The following SCLT1 variants were observed in gnomAD, a reference collection of about 807,000 sequenced individuals.
SCLT1 encodes sodium channel-associated protein 1.
Under a neutral mutation model 112.8 loss-of-function variants are expected in SCLT1, and 78 were observed. That is an observed-to-expected ratio of 0.69 (90% CI 0.58 to 0.83). The LOEUF (loss-of-function observed/expected upper bound fraction) is 0.83. Ranked by LOEUF, SCLT1 falls within the 40% of genes least tolerant of loss-of-function variation. The pLI is 0.00. For synonymous variants in SCLT1, 257 were observed against 254.7 expected (o/e 1.01, Z -0.09); for missense variants, 747 against 770.4 (o/e 0.97, Z 0.36).
chr4:129,023,114 C>T (rs144018518), intron 5 of SCLT1, among the ~76,000 whole-genome samples: 54 of 152,264 alleles, frequency 3.5e-4, no homozygotes, highest in African/African-American at 1.3e-3. Context: ...TTTGTCACCA[C>T]CACATCTGTC....
intron 5 of SCLT1, among the ~76,000 whole-genome samples, chr4:129,024,595 G>T (rs1354767894): frequency 1.3e-5 from 2 of 152,086 alleles, no homozygotes; most frequent in Non-Finnish European, 2.9e-5. Flanking sequence ...CACAAAGATG[G>T]GGAAAAAACA....
At chr4:129,046,631 T>C (rs969287810) in intron 2 of SCLT1, among the ~76,000 whole-genome samples, 12 of 152,260 alleles carry the variant, frequency 7.9e-5, no homozygotes, top group African/African-American at 2.9e-4. Context: ...TAAACAGTGC[T>C]GCTACAAACA....
At chr4:128,914,716 A>G (rs1735350266) in intron 18 of SCLT1, among the ~76,000 whole-genome samples, 1 of 152,170 alleles carries the variant, frequency 6.6e-6, no homozygotes, top group African/African-American at 2.4e-5. Context: ...CAATCTATGG[A>G]CCACATTTAG....
chr4:128,898,974 G>A (rs1436460937), intron 18 of SCLT1, among the ~76,000 whole-genome samples: 1 of 152,162 alleles, frequency 6.6e-6, no homozygotes, highest in Non-Finnish European at 1.5e-5. Context: ...ACTAAACCAG[G>A]AAGAAGCTGA....
intron 18 of SCLT1, among the ~76,000 whole-genome samples, chr4:128,935,514 C>T (rs775703175): frequency 6.6e-6 from 1 of 152,006 alleles, no homozygotes; most frequent in Non-Finnish European, 1.5e-5. Flanking sequence ...ATACAAGTTC[C>T]TTAACCTCCT....
At chr4:129,080,814 T>C (rs1330623204) in intron 2 of SCLT1, among the ~76,000 whole-genome samples, 1 of 152,134 alleles carries the variant, frequency 6.6e-6, no homozygotes, top group Non-Finnish European at 1.5e-5. Context: ...TAAAGAAACA[T>C]CTGAGACTGG....
chr4:128,944,459 A>C (rs1343436584), intron 16 of SCLT1, among the ~76,000 whole-genome samples: 2 of 152,168 alleles, frequency 1.3e-5, no homozygotes, highest in African/African-American at 4.8e-5. Flanking sequence ...GAATTACATG[A>C]GACAGAGTAA....
chr4:128,879,812 T>C (rs1732602305), downstream of SCLT1, among the ~76,000 whole-genome samples: 1 of 152,210 alleles, frequency 6.6e-6, no homozygotes, highest in African/African-American at 2.4e-5. Flanking sequence ...TAGAGTAGTT[T>C]AAATGAAAGG....
At chr4:129,047,601 C>G (rs1469151831) in intron 2 of SCLT1, among the ~76,000 whole-genome samples, 5 of 152,102 alleles carry the variant, frequency 3.3e-5, no homozygotes, top group Admixed American at 3.3e-4. Flanking sequence ...TACATTTCTA[C>G]CAACAGTGTA....
At chr4:129,090,002 T>TA (rs1173455594) in intron 1 of SCLT1, among the ~76,000 whole-genome samples, 1 of 152,094 alleles carries the variant, frequency 6.6e-6, no homozygotes, top group Non-Finnish European at 1.5e-5. Context: ...CCCCAGAACT[T>TA]AAAGTATAAT....
chr4:129,069,606 T>C (rs1468510474), intron 2 of SCLT1, among the ~76,000 whole-genome samples: 3 of 152,224 alleles, frequency 2.0e-5, no homozygotes, highest in South Asian at 2.1e-4. Context: ...ATTAATCTTG[T>C]ATCTGGAAAC....
intron 18 of SCLT1, among the ~76,000 whole-genome samples, chr4:128,936,271 A>G (rs1029517044): frequency 1.3e-5 from 2 of 152,068 alleles, no homozygotes; most frequent in Admixed American, 1.3e-4. Flanking sequence ...TCTCATTCCT[A>G]TGTTGAAGCT....
intron 5 of SCLT1, among the ~76,000 whole-genome samples, chr4:129,004,498 A>G (rs1286567472): frequency 6.6e-6 from 1 of 152,074 alleles, no homozygotes; most frequent in Non-Finnish European, 1.5e-5. Context: ...TCATGCCTTA[A>G]CTACAAAAAA....
chr4:129,046,490 T>A (rs748303395), intron 2 of SCLT1, among the ~76,000 whole-genome samples: 2 of 152,142 alleles, frequency 1.3e-5, no homozygotes, highest in Non-Finnish European at 2.9e-5. Context: ...GATTCATTCT[T>A]ACTGCTGTGA....
chr4:128,900,792 AATATC>A (rs1426318342), intron 18 of SCLT1, among the ~76,000 whole-genome samples: 2 of 152,196 alleles, frequency 1.3e-5, no homozygotes, highest in African/African-American at 2.4e-5. Flanking sequence ...ACAAAGGGCT[AATATC>A]CAGAATCTAC....
chr4:129,067,663 A>G (rs934751284), intron 2 of SCLT1, among the ~76,000 whole-genome samples: 6 of 151,830 alleles, frequency 4.0e-5, no homozygotes, highest in African/African-American at 1.5e-4. Context: ...GGTGCATACC[A>G]CCATACCTGG....
intron 2 of SCLT1, among the ~76,000 whole-genome samples, chr4:129,077,839 T>C (rs1158137116): frequency 2.6e-5 from 4 of 152,144 alleles, no homozygotes; most frequent in Non-Finnish European, 4.4e-5. Context: ...CGAAGTAATA[T>C]ATGAGGTAAA....
chr4:129,072,169 A>G (rs1308966164), intron 2 of SCLT1, among the ~76,000 whole-genome samples: 1 of 152,082 alleles, frequency 6.6e-6, no homozygotes, highest in African/African-American at 2.4e-5. Context: ...GTCTACTGAG[A>G]GATCTGCTGC....
chr4:128,982,745 A>G (rs1253340415), intron 9 of SCLT1, among the ~76,000 whole-genome samples: 1 of 151,454 alleles, frequency 6.6e-6, no homozygotes, highest in African/African-American at 2.4e-5. Context: ...CAGGTGATCC[A>G]CCCGCCTTGG....
Sources: allele counts gnomAD v4.1 joint callset (sites outside exome capture counted in the v4.1 genomes callset), GRCh38; gene constraint gnomAD v4.1.1; transcripts MANE v1.5; gene names NCBI Gene and HGNC (gene_info 2026-07-23, HGNC 2026-07-21).